OR2T12: variants seen among roughly 807,000 people sequenced by gnomAD.
OR2T12 encodes olfactory receptor family 2 subfamily T member 12.
For missense variants in OR2T12, 335 were observed against 404.3 expected, an observed-to-expected ratio of 0.83 and a Z score of 1.47; for synonymous variants, 127 against 160.5, an observed-to-expected ratio of 0.79 and a Z score of 1.58.
At position 248,292,960 on chromosome 1, in the gene OR2T12, C is replaced by T. The variant is rs538876306; in HGVS notation, c.*1656G>A. 2 of 152,206 alleles carry T rather than the reference C, an allele frequency of 1.3e-5. No homozygotes were observed. Among genetic ancestry groups the T allele is most frequent in the South Asian group, 4.1e-4 (2 of 4,828 alleles). 9.4% of individuals were successfully genotyped at this position (152,206 alleles called of 1,614,324 possible). A position where few individuals can be genotyped will look rare whatever the true frequency, so the allele number is the denominator to read the frequency against. On this transcript the variant is annotated 3_prime_UTR_variant, in exon 3 of 3. Coordinates refer to ENST00000641276, the MANE Select transcript of OR2T12 (RefSeq NM_001004692.2). ...TGTACTTGTGTAATTTTCACCCATT[C>T]TAAGAGAAGATTTTTTAGATGGTAT...
rs762155256 is a variant in OR2T12, at chr1:248,294,751, A to G, written c.828T>C (p.Tyr276=). 2.5e-6 allele frequency: 4 copies of G among 1,614,092 alleles called. No individual in the cohort carries two copies. Among genetic ancestry groups the G allele is most frequent in the Non-Finnish European group, 3.4e-6 (4 of 1,179,986 alleles). Residue 276 remains tyrosine, a synonymous_variant, in exon 3 of 3, where the codon TAT becomes TAC. Transcript: ENST00000641276. The part of the protein sequence containing the change: ...TNHDKVVSAF[Y]TMFTPLLNPL... ...GATTTAGTAAAGGGGTGAACATAGT[A>G]TAGAAGGCTGACACAACCTTATCGT...
At chr1:248,299,440 G>C (rs1319203009) in intron 2 of OR2T12, among the ~76,000 whole-genome samples, 1 of 151,890 alleles carries the variant, frequency 6.6e-6, no homozygotes, top group Non-Finnish European at 1.5e-5. Flanking sequence ...AGACAAAGAA[G>C]GCCATCACAT....
intron 2 of OR2T12, among the ~76,000 whole-genome samples, chr1:248,296,099 C>G (rs1342952799): frequency 6.6e-6 from 1 of 151,114 alleles, no homozygotes; most frequent in African/African-American, 2.4e-5. Context: ...GTGAGAATAC[C>G]CGGTGTTTGG....
rs1355642622 is a variant in OR2T12, at chr1:248,291,078, T to C, written c.*3538A>G. The C allele has an allele frequency of 2.6e-5, 4 of 151,990 alleles. No homozygotes were observed. The highest frequency in any genetic ancestry group is 9.7e-5 in the African/African-American group (4 of 41,386). 9.4% of individuals were successfully genotyped at this position (151,990 alleles called of 1,614,324 possible). On this transcript the variant is annotated 3_prime_UTR_variant, in exon 3 of 3. Coordinates refer to ENST00000641276, the MANE Select transcript of OR2T12 (RefSeq NM_001004692.2). Reference sequence around the variant, plus strand: ...ATTAGCCATTTGTCAGATGGATAGATTGCAAAAATTTTCTCCCATTCTCTA... The same window carrying C: ...ATTAGCCATTTGTCAGATGGATAGACTGCAAAAATTTTCTCCCATTCTCTA...
At position 248,294,479 on chromosome 1, in the gene OR2T12, G is replaced by A. The variant is rs538899737; in HGVS notation, c.*137C>T. 26 of 1,151,908 alleles carry A rather than the reference G, an allele frequency of 2.3e-5. No individual in the cohort carries two copies. Among genetic ancestry groups the A allele is most frequent in the Non-Finnish European group, 1.3e-5 (11 of 815,032 alleles). The allele number at this position is 1,151,908 out of a possible 1,614,324, so 71.4% of individuals were successfully genotyped here. On this transcript the variant is annotated 3_prime_UTR_variant, in exon 3 of 3. Transcript: ENST00000641276. ...AAAATGGTATCTGTCAATACAATTG[G>A]CTCACTTCATTCTTAAAAATATCTT...
At position 248,292,607 on chromosome 1, in the gene OR2T12, T is replaced by C. The variant is rs1305083085; in HGVS notation, c.*2009A>G. On this transcript the variant is annotated 3_prime_UTR_variant, in exon 3 of 3. Transcript: ENST00000641276. The stretch of plus-strand genomic sequence containing the variant: ...GAAATGAACATATAATTTCTAAAAG[T>C]ATTTAAAATTTTTATTTCATATTTA... 1.3e-5 allele frequency: 2 copies of C among 152,130 alleles called. No individual in the cohort carries two copies. Among genetic ancestry groups the C allele is most frequent in the Non-Finnish European group, 2.9e-5 (2 of 67,972 alleles). 9.4% of individuals were successfully genotyped at this position (152,130 alleles called of 1,614,324 possible). A position where few individuals can be genotyped will look rare whatever the true frequency, so the allele number is the denominator to read the frequency against.
rs1346257416 is a variant in OR2T12, at chr1:248,295,016, G to A, written c.563C>T (p.Ala188Val). 1 of 1,610,812 alleles carries A rather than the reference G, an allele frequency of 6.2e-7. No individual in the cohort carries two copies. Among genetic ancestry groups the A allele is most frequent in the Non-Finnish European group, 8.5e-7 (1 of 1,179,672 alleles). ...EAPVLVRLACADTSVFENAMY... is the reference protein window; with the variant it reads ...EAPVLVRLACVDTSVFENAMY... ...GGCGTTTTCGAAGACTGAAGTGTCA[G>A]CACAAGCCAAACGCACCAACACGGG... Residue 188 changes from alanine to valine, a missense_variant, in exon 3 of 3, where the codon GCT (alanine) becomes GTT (valine). Transcript: ENST00000641276.
chr1:248,303,313 A>G (rs4916127), intron 1 of OR2T12, 33 bp downstream of exon 1: 118,083 of 152,086 alleles, frequency 0.78, 46,075 homozygotes, highest in South Asian at 0.88. Flanking sequence ...GCACTAGCTT[A>G]TACACAGTCT....
rs1244095220 is a variant in OR2T12, at chr1:248,291,275, C to G, written c.*3341G>C. Reference sequence around the variant, plus strand: ...GGATACAATATCAATGTGTAAAAATCACAAGCTTTCCCATACACCAATAAT... The same window carrying G: ...GGATACAATATCAATGTGTAAAAATGACAAGCTTTCCCATACACCAATAAT... On this transcript the variant is annotated 3_prime_UTR_variant, in exon 3 of 3. Coordinates refer to ENST00000641276, the MANE Select transcript of OR2T12 (RefSeq NM_001004692.2). The G allele has an allele frequency of 6.6e-6, 1 of 152,052 alleles. No homozygotes were observed. The highest frequency in any genetic ancestry group is 1.5e-5 in the Non-Finnish European group (1 of 68,008). 9.4% of individuals were successfully genotyped at this position (152,052 alleles called of 1,614,324 possible). A position where few individuals can be genotyped will look rare whatever the true frequency, so the allele number is the denominator to read the frequency against.
rs768539055 is a variant in OR2T12, at chr1:248,294,565, T to G, written c.*51A>C. On this transcript the variant is annotated 3_prime_UTR_variant, in exon 3 of 3. Transcript: ENST00000641276. Reference sequence around the variant, plus strand: ...GAATTACTAAAGGGAGAGAATTACATAGTGTTAAAATGTTAATAAATTCAG... The same window carrying G: ...GAATTACTAAAGGGAGAGAATTACAGAGTGTTAAAATGTTAATAAATTCAG... 6.4e-7 allele frequency: 1 copy of G among 1,555,650 alleles called. No homozygotes were observed. Among genetic ancestry groups the G allele is most frequent in the African/African-American group, 1.4e-5 (1 of 72,578 alleles).
intron 2 of OR2T12, among the ~76,000 whole-genome samples, chr1:248,295,841 T>A (rs1659717520): frequency 6.6e-6 from 1 of 152,170 alleles, no homozygotes; most frequent in South Asian, 2.1e-4. Context: ...AATAAAAATT[T>A]TTTTTTTAGT....
In OR2T12 at chr1:248,294,457, A is replaced by G. The variant is rs1211737086; in HGVS notation, c.*159T>C. ...AAGAAAAGTACATAAATGCTCAAAA[A>G]TGGTATCTGTCAATACAATTGGCTC... On this transcript the variant is annotated 3_prime_UTR_variant, in exon 3 of 3. Transcript: ENST00000641276. 1 of 918,198 alleles carries G rather than the reference A, an allele frequency of 1.1e-6. No homozygotes were observed. The highest frequency in any genetic ancestry group is 2.6e-5 in the East Asian group (1 of 38,706). The allele number at this position is 918,198 out of a possible 1,614,324, so 56.9% of individuals were successfully genotyped here. A position where few individuals can be genotyped will look rare whatever the true frequency, so the allele number is the denominator to read the frequency against.
chr1:248,301,239 C>A (rs1033255736), intron 2 of OR2T12, 134 bp downstream of exon 2: 2 of 151,908 alleles, frequency 1.3e-5, no homozygotes, highest in Non-Finnish European at 2.9e-5. Context: ...ACTAGATTGC[C>A]CTATGCCTTC....
At chr1:248,298,300 G>A (rs1659764770) in intron 2 of OR2T12, among the ~76,000 whole-genome samples, 2 of 152,152 alleles carry the variant, frequency 1.3e-5, no homozygotes, top group South Asian at 4.1e-4. Flanking sequence ...AAGGGTATTG[G>A]TCTAAAATTC....
intron 1 of OR2T12, among the ~76,000 whole-genome samples, chr1:248,302,326 AC>A (rs1328804192): frequency 2.0e-5 from 3 of 152,114 alleles, no homozygotes; most frequent in Admixed American, 2.0e-4. Flanking sequence ...TGTTGAATGA[AC>A]AAAGTAGATC....
chr1:248,295,974 A>T (rs1017622063), intron 2 of OR2T12, among the ~76,000 whole-genome samples: 20 of 151,962 alleles, frequency 1.3e-4, no homozygotes, highest in Non-Finnish European at 2.8e-4. Flanking sequence ...ATCTAGCATT[A>T]GGTGTATCTC....
intron 2 of OR2T12, 95 bp from the exon 3 acceptor site, chr1:248,295,681 G>C (rs1182244571): frequency 3.4e-6 from 5 of 1,461,938 alleles, no homozygotes; most frequent in Non-Finnish European, 4.6e-6. Flanking sequence ...ATATGTACTG[G>C]ATATGTTATC....
At chr1:248,299,304 A>T (rs1245789391) in intron 2 of OR2T12, among the ~76,000 whole-genome samples, 1 of 152,200 alleles carries the variant, frequency 6.6e-6, no homozygotes, top group South Asian at 2.1e-4. Context: ...TCACGTGCAG[A>T]GACACACATA....
At chr1:248,302,021 T>C (rs6666690) in intron 1 of OR2T12, among the ~76,000 whole-genome samples, 115,091 of 150,316 alleles carry the variant, frequency 0.77, 44,216 homozygotes, top group South Asian at 0.88. Context: ...AAGGAGACAT[T>C]GAGAGGCCAG....
Sources: gnomAD v4.1 joint callset for allele counts (sites outside exome capture counted in the v4.1 genomes callset) on GRCh38, gnomAD v4.1.1 for gene constraint, MANE v1.5 for transcripts, NCBI Gene and HGNC (gene_info 2026-07-23, HGNC 2026-07-21) for gene names.